LIMCH1: variants seen among roughly 807,000 people sequenced by gnomAD.
LIMCH1 encodes LIM and calponin homology domains-containing protein 1.
In LIMCH1, 113 loss-of-function variants were observed where a neutral mutation model predicts 176.5. That is an observed-to-expected ratio of 0.64 (90% CI 0.55 to 0.75). LIMCH1 has a LOEUF of 0.75. Among genes scored for constraint, LIMCH1 ranks in the 30% least tolerant of loss-of-function variants. The pLI is 0.00. For missense variants in LIMCH1, 1,674 were observed against 1,814.9 expected (o/e 0.92, Z 1.41); for synonymous variants, 619 against 645.9 (o/e 0.96, Z 0.63).
intron 20 of LIMCH1, among the ~76,000 whole-genome samples, chr4:41,663,669 A>C (rs1367499020): frequency 6.6e-6 from 1 of 152,026 alleles, no homozygotes; most frequent in East Asian, 1.9e-4. Context: ...GAGTCTAAAA[A>C]TATTCATCAG....
Position 41,654,900 on chromosome 4 carries a change from T to C in LIMCH1, c.3036+4292T>C, listed in dbSNP as rs566670335. Reference sequence around the variant, plus strand: ...GTTTTGTTCATTTCAGCATCTCTGTTAAAGGCCCAGTGGAAACCTCACACT... The same window carrying C: ...GTTTTGTTCATTTCAGCATCTCTGTCAAAGGCCCAGTGGAAACCTCACACT... On this transcript the variant is annotated intron_variant, in intron 18 of 31. Coordinates refer to ENST00000503057, the MANE Select transcript of LIMCH1 (RefSeq NM_001330672.2). Among the ~76,000 whole-genome samples, 4 of 152,308 alleles carry C rather than the reference T, an allele frequency of 2.6e-5. No individual in the cohort carries two copies. In the East Asian group the frequency reaches 5.8e-4, roughly 22 times the overall value.
intron 1 of LIMCH1, among the ~76,000 whole-genome samples, chr4:41,412,353 T>C (rs896659452): frequency 1.3e-5 from 2 of 152,210 alleles, no homozygotes; most frequent in Non-Finnish European, 2.9e-5. Context: ...ATGGCTGTTG[T>C]TCTAGGTGCT....
chr4:41,600,616 G>A (rs2089746388), intron 2 of LIMCH1, among the ~76,000 whole-genome samples: 1 of 152,036 alleles, frequency 6.6e-6, no homozygotes, highest in Non-Finnish European at 1.5e-5. Context: ...TGGGCATCAG[G>A]AAAATGAGGA....
At chr4:41,442,983 A>C (rs2062853786) in intron 1 of LIMCH1, among the ~76,000 whole-genome samples, 1 of 152,206 alleles carries the variant, frequency 6.6e-6, no homozygotes, top group Non-Finnish European at 1.5e-5. Context: ...GAAGTGACTT[A>C]AACTTTGCCT....
At chr4:41,651,969 C>T (rs529120251) in intron 18 of LIMCH1, among the ~76,000 whole-genome samples, 18 of 152,306 alleles carry the variant, frequency 1.2e-4, no homozygotes, top group Non-Finnish European at 1.9e-4. Context: ...GCCCTGCTTT[C>T]GGGGTACGGG....
At chr4:41,651,102 C>T (rs571596960) in intron 18 of LIMCH1, among the ~76,000 whole-genome samples, 10 of 151,938 alleles carry the variant, frequency 6.6e-5, no homozygotes, top group Non-Finnish European at 1.5e-4. Context: ...TGCCTCCAGG[C>T]TTCAAGCAAT....
intron 1 of LIMCH1, among the ~76,000 whole-genome samples, chr4:41,484,267 G>A (rs951214528): frequency 6.6e-6 from 1 of 151,976 alleles, no homozygotes; most frequent in Non-Finnish European, 1.5e-5. Context: ...TTTTTTCCCT[G>A]GACTGTGATT....
intron 2 of LIMCH1, among the ~76,000 whole-genome samples, chr4:41,501,967 C>T (rs1430786293): frequency 2.1e-5 from 3 of 146,330 alleles, no homozygotes; most frequent in Non-Finnish European, 3.0e-5. Context: ...TAAATGTGTG[C>T]CATGGTGGTT....
chr4:41,495,224 A>C (rs557301223), intron 2 of LIMCH1, among the ~76,000 whole-genome samples: 3 of 152,366 alleles, frequency 2.0e-5, no homozygotes, highest in Non-Finnish European at 2.9e-5. Context: ...ATTTATGGAT[A>C]GACGTAAATT....
chr4:41,424,437 C>T (rs28549258), intron 1 of LIMCH1, among the ~76,000 whole-genome samples: 2,178 of 152,292 alleles, frequency 0.014, 47 homozygotes, highest in African/African-American at 0.05. Flanking sequence ...TGGATTCTTA[C>T]AAACCCGTGG....
At chr4:41,381,850 T>C (rs2055719853) in intron 1 of LIMCH1, among the ~76,000 whole-genome samples, 1 of 152,126 alleles carries the variant, frequency 6.6e-6, no homozygotes, top group South Asian at 2.1e-4. Context: ...AGAAGCACTT[T>C]GACATTAGGG....
intron 7 of LIMCH1, 34 bp downstream of exon 7, chr4:41,620,724 T>A (rs1256525868): frequency 6.6e-7 from 1 of 1,506,306 alleles, no homozygotes; most frequent in East Asian, 2.5e-5. Context: ...CCCGGCTGGC[T>A]TTCTGCATGC....
chr4:41,634,160 C>T (rs1401315494), intron 13 of LIMCH1, among the ~76,000 whole-genome samples: 1 of 152,194 alleles, frequency 6.6e-6, no homozygotes, highest in Non-Finnish European at 1.5e-5. Context: ...AAGATGAATA[C>T]ATTTATAAAA....
intron 1 of LIMCH1, among the ~76,000 whole-genome samples, chr4:41,491,830 T>C (rs1187829002): frequency 1.4e-5 from 2 of 142,376 alleles, no homozygotes; most frequent in Non-Finnish European, 3.0e-5. Context: ...GAAGCGCTCC[T>C]CACTTCCCAT....
At chr4:41,439,514 G>T (rs2062469869) in intron 1 of LIMCH1, among the ~76,000 whole-genome samples, 1 of 152,100 alleles carries the variant, frequency 6.6e-6, no homozygotes, top group African/African-American at 2.4e-5. Context: ...AGCCCTGGAG[G>T]TCAAGGCTGC....
At chr4:41,695,917 GA>G (rs375960249) in intron 31 of LIMCH1, among the ~76,000 whole-genome samples, 7,086 of 150,058 alleles carry the variant, frequency 0.047, 197 homozygotes, top group South Asian at 0.1. Context: ...GTCAGAATGG[GA>G]AAAAAAAAGG....
At chr4:41,645,091 C>T (rs1452976107) in intron 15 of LIMCH1, among the ~76,000 whole-genome samples, 1 of 152,158 alleles carries the variant, frequency 6.6e-6, no homozygotes, top group Non-Finnish European at 1.5e-5. Context: ...ATTCCACAGA[C>T]GAATCCCAGC....
At chr4:41,502,341 C>T (rs570993257) in intron 2 of LIMCH1, among the ~76,000 whole-genome samples, 9 of 152,186 alleles carry the variant, frequency 5.9e-5, no homozygotes, top group South Asian at 2.1e-4. Flanking sequence ...TTCCATTCTT[C>T]GCTATTGTGA....
At chr4:41,493,718 T>C (rs184060440) in intron 1 of LIMCH1, among the ~76,000 whole-genome samples, 263 of 152,322 alleles carry the variant, frequency 1.7e-3, no homozygotes, top group Middle Eastern at 6.8e-3. Context: ...TGGTATATTT[T>C]AGGTGCTCAA....
Sources: allele counts gnomAD v4.1 joint callset (sites outside exome capture counted in the v4.1 genomes callset), GRCh38; gene constraint gnomAD v4.1.1; transcripts MANE v1.5; gene names NCBI Gene and HGNC (gene_info 2026-07-23, HGNC 2026-07-21).